PYY: variants seen among roughly 807,000 people sequenced by gnomAD.
PYY encodes the protein peptide YY, also known as peptide tyrosine tyrosine.
PYY carries 12 observed loss-of-function variants against 10.3 expected under a neutral mutation model. That is an observed-to-expected ratio of 1.17 (90% CI 0.75 to 1.89). The LOEUF (loss-of-function observed/expected upper bound fraction) is 1.89, where lower values mean the gene tolerates loss of function less well. Ranked by LOEUF, PYY falls within the 40% of genes most tolerant of loss-of-function variation. The pLI is 0.00. For missense variants in PYY, 141 were observed against 134.0 expected (o/e 1.05, Z -0.26); for synonymous variants, 66 against 62.0 (o/e 1.06, Z -0.30).
intron 1 of PYY, among the ~76,000 whole-genome samples, chr17:43,972,596 A>C (rs1008856209): frequency 5.3e-5 from 8 of 151,946 alleles, no homozygotes; most frequent in African/African-American, 1.9e-4. Context: ...TGGCACAGTC[A>C]TAGCTCACTG....
At position 43,971,043 on chromosome 17, in the gene PYY, T is replaced by C. The variant is rs187600482; in HGVS notation, c.-462-4511A>G. On this transcript the variant is annotated intron_variant, in intron 1 of 6. Transcript: ENST00000360085. ...GGCTATAAACATTCATGTGGGCATA[T>C]TCATCTCTCTAGGATAAATACCCTG... 3.2e-4 allele frequency among the ~76,000 whole-genome samples: 49 copies of C among 152,320 alleles called. 1 individual carries two copies. Among genetic ancestry groups the C allele is most frequent in the Admixed American group, 2.9e-3 (45 of 15,286 alleles).
Position 43,953,139 on chromosome 17 carries a change from G to C in PYY, c.239C>G (p.Pro80Arg). ...CCTGACGGGGCGGTCCTCGCCGTCG[G>C]GGAAGAACGTTTTGGAAAGAAGCGT... ...PDTLLSKTFF[P>R]DGEDRPVRSR... Residue 80 changes from proline to arginine, a missense_variant, in exon 3 of 4, where the codon CCC (proline) becomes CGC (arginine). By Grantham distance (103) the Pro-to-Arg change is moderately radical (BLOSUM62 -2). Transcript: ENST00000692052. 2 of 1,614,030 alleles carry C rather than the reference G, an allele frequency of 1.2e-6. No homozygotes were observed. The highest frequency in any genetic ancestry group is 1.7e-6 in the Non-Finnish European group (2 of 1,179,916).
Position 43,952,800 on chromosome 17 carries a change from AGGGGGC to A in PYY, c.*150_*155del. 1.3e-6 allele frequency: 1 copy of A among 754,118 alleles called. No individual in the cohort carries two copies. Among genetic ancestry groups the A allele is most frequent in the Non-Finnish European group, 2.1e-6 (1 of 478,450 alleles). The allele number at this position is 754,118 out of a possible 1,614,324, so 46.7% of individuals were successfully genotyped here. A position where few individuals can be genotyped will look rare whatever the true frequency, so the allele number is the denominator to read the frequency against. On this transcript the variant is annotated 3_prime_UTR_variant, in exon 4 of 4. Coordinates refer to ENST00000692052, the MANE Select transcript of PYY (RefSeq NM_001394028.1). ...AGGACCACACACAGCCCTCCAGCCC[AGGGGGC>A]GGGGGCACCGAGACGCGGGCGGAGG...
intron 2 of PYY, among the ~76,000 whole-genome samples, chr17:43,963,586 G>GAAAGA (rs1555617109): frequency 6.7e-4 from 49 of 73,060 alleles, no homozygotes; most frequent in African/African-American, 2.1e-3. Flanking sequence ...AAGAAAGAAA[G>GAAAGA]AAAGAAAGAA....
chr17:43,973,213 G>GT (rs1476909194), intron 1 of PYY, among the ~76,000 whole-genome samples: 2 of 152,152 alleles, frequency 1.3e-5, no homozygotes, highest in Admixed American at 6.5e-5. Flanking sequence ...TTTAAAAAGT[G>GT]TTTGTCACTT....
At chr17:44,002,022 G>A (rs893600310) in intron 1 of PYY, among the ~76,000 whole-genome samples, 2 of 152,190 alleles carry the variant, frequency 1.3e-5, no homozygotes, top group Non-Finnish European at 2.9e-5. Flanking sequence ...GGGCCTGAGA[G>A]TAAAGAGGGA....
At chr17:43,976,272 C>CATATATATACATAT (rs2048841708) in intron 1 of PYY, among the ~76,000 whole-genome samples, 1 of 139,756 alleles carries the variant, frequency 7.2e-6, no homozygotes, top group Non-Finnish European at 1.5e-5. Flanking sequence ...TATACATGTA[C>CATATATATACATAT]GTATATATAC....
intron 1 of PYY, among the ~76,000 whole-genome samples, chr17:43,968,539 CG>C (rs2048769004): frequency 6.6e-6 from 1 of 152,198 alleles, no homozygotes; most frequent in Non-Finnish European, 1.5e-5. Context: ...TGGCCAGGCG[CG>C]GTGGCTCATG....
chr17:43,992,941 G>A (rs2048967577), intron 1 of PYY, among the ~76,000 whole-genome samples: 1 of 152,116 alleles, frequency 6.6e-6, no homozygotes, highest in Admixed American at 6.6e-5. Context: ...ACAGTGAGAG[G>A]ACACACTTCT....
Position 43,976,212 on chromosome 17 carries a change from T to TATATATACAC in PYY, c.-462-9681_-462-9680insGTGTATATAT, listed in dbSNP as rs1309157658. Among the ~76,000 whole-genome samples, 651 of 129,668 alleles carry TATATATACAC rather than the reference T, an allele frequency of 5.0e-3. 18 individuals carry two copies. Among genetic ancestry groups the TATATATACAC allele is most frequent in the African/African-American group, 1.0e-2 (329 of 32,924 alleles). 85.1% of individuals were successfully genotyped at this position (129,668 alleles called of 152,430 possible). The stretch of plus-strand genomic sequence containing the variant: ...ATATGTATACATATATACATATACG[T>TATATATACAC]ATATGTATACATATATACATATGCG... On this transcript the variant is annotated intron_variant, in intron 1 of 6. Coordinates refer to the PYY transcript ENST00000360085.
At chr17:43,966,738 C>T (rs2048757933) in intron 1 of PYY, among the ~76,000 whole-genome samples, 1 of 152,156 alleles carries the variant, frequency 6.6e-6, no homozygotes, top group South Asian at 2.1e-4. Flanking sequence ...TGTCTGACTA[C>T]TAGAATGGAG....
intron 1 of PYY, among the ~76,000 whole-genome samples, chr17:43,966,794 C>T (rs144925858): frequency 1.2e-4 from 18 of 152,272 alleles, no homozygotes; most frequent in Middle Eastern, 3.4e-3. Flanking sequence ...ACTGATATAT[C>T]CCCAGTGACT....
intron 3 of PYY, 55 bp from the exon 4 acceptor site, chr17:43,953,035 CGTT>C: frequency 1.1e-5 from 17 of 1,590,558 alleles, no homozygotes; most frequent in Non-Finnish European, 1.5e-5. Flanking sequence ...TGGGAGACGT[CGTT>C]AAGTGATGTT....
At chr17:43,962,772 T>G (rs1048120432) in intron 2 of PYY, among the ~76,000 whole-genome samples, 7 of 152,220 alleles carry the variant, frequency 4.6e-5, no homozygotes, top group African/African-American at 1.7e-4. Context: ...GGGCATTTTT[T>G]GGGGGGCGGC....
At chr17:43,967,130 C>G (rs760791585) in intron 1 of PYY, among the ~76,000 whole-genome samples, 2 of 152,136 alleles carry the variant, frequency 1.3e-5, no homozygotes, top group Non-Finnish European at 2.9e-5. Context: ...TGGTGAAAAT[C>G]TGTCTCTACT....
chr17:43,975,431 A>T (rs1019063266), intron 1 of PYY, among the ~76,000 whole-genome samples: 1 of 152,016 alleles, frequency 6.6e-6, no homozygotes, highest in Non-Finnish European at 1.5e-5. Flanking sequence ...GGGTAGGCTG[A>T]GCACAGTGGC....
At chr17:43,994,672 G>A (rs555361895) in intron 1 of PYY, among the ~76,000 whole-genome samples, 77 of 152,238 alleles carry the variant, frequency 5.1e-4, no homozygotes, top group African/African-American at 1.8e-3. Context: ...CAGCCTGAGG[G>A]GAGAACTCCC....
At chr17:43,998,180 C>A (rs1472870596) in intron 1 of PYY, among the ~76,000 whole-genome samples, 1 of 151,958 alleles carries the variant, frequency 6.6e-6, no homozygotes, top group Admixed American at 6.6e-5. Context: ...TTCAGGTCAT[C>A]TGCCCACTTT....
exon 1 of PYY, chr17:44,004,441 C>T: frequency 4.9e-6 from 2 of 411,846 alleles, no homozygotes; most frequent in Non-Finnish European, 4.2e-6. Flanking sequence ...GGCCCCATGA[C>T]CGATAGTGGG....
Sources: gnomAD v4.1 joint callset for allele counts (sites outside exome capture counted in the v4.1 genomes callset) on GRCh38, gnomAD v4.1.1 for gene constraint, MANE v1.5 for transcripts, NCBI Gene and HGNC (gene_info 2026-07-23, HGNC 2026-07-21) for gene names.